Variants in PTCHD4 observed in about 807,000 individuals in gnomAD.
PTCHD4 encodes patched domain-containing protein 4.
In PTCHD4, 33 loss-of-function variants were observed where a neutral mutation model predicts 58.1. The observed-to-expected ratio is 0.57, with a 90% CI of 0.43 to 0.76. The LOEUF is 0.76. PTCHD4 is among the 30% of genes least tolerant of loss of function. The probability of loss-of-function intolerance (pLI) is 0.00; values close to 1 mark genes in which losing one functional copy is unlikely to be tolerated. For synonymous variants in PTCHD4, 478 were observed against 409.6 expected (o/e 1.17, Z -2.02); for missense variants, 1,058 against 1,027.1 (o/e 1.03, Z -0.41).
chr6:48,024,776 A>G (rs984751219), intron 3 of PTCHD4, among the ~76,000 whole-genome samples: 2 of 152,166 alleles, frequency 1.3e-5, no homozygotes, highest in African/African-American at 4.8e-5. Context: ...AGATGGAAGT[A>G]AGAACCAAAC....
intron 3 of PTCHD4, among the ~76,000 whole-genome samples, chr6:48,038,481 A>T (rs996194295): frequency 2.0e-5 from 3 of 147,290 alleles, no homozygotes; most frequent in East Asian, 2.0e-4. Context: ...ATCTCTACTT[A>T]AAAAAAAAAA....
intron 4 of PTCHD4, among the ~76,000 whole-genome samples, chr6:47,915,783 C>T (rs7750312): frequency 0.57 from 86,246 of 151,818 alleles, 25,761 homozygotes; most frequent in East Asian, 0.78. Flanking sequence ...ACTGGCACAA[C>T]GAAGCACAAA....
Position 47,857,427 on chromosome 6 carries a change from C to A in PTCHD4, c.*20876G>T, listed in dbSNP as rs80234434. On this transcript the variant is annotated 3_prime_UTR_variant, in exon 5 of 5. Coordinates refer to ENST00000339488, the MANE Select transcript of PTCHD4 (RefSeq NM_001384253.1). ...TTAAAACTTCTGCACTGCAGCAAGA[C>A]GGTATCACACTGACTTCCTGATCAT... 0.011 allele frequency among the ~76,000 whole-genome samples: 1,645 copies of A among 152,130 alleles called. 34 individuals carry two copies. Among genetic ancestry groups the A allele is most frequent in the African/African-American group, 0.038 (1,559 of 41,532 alleles).
chr6:47,894,598 T>C (rs1764477062), intron 4 of PTCHD4, among the ~76,000 whole-genome samples: 1 of 152,276 alleles, frequency 6.6e-6, no homozygotes, highest in Admixed American at 6.5e-5. Context: ...TCAATAAATG[T>C]TAGCCATCAT....
chr6:48,008,998 G>A lies in PTCHD4; in HGVS notation c.534C>T (p.Thr178=). The A allele has an allele frequency of 1.2e-6, 2 of 1,613,944 alleles. No homozygotes were observed. ...RAIQITYYLQ[T]YGSATQDLIG... is the part of the protein sequence containing the mutation. The stretch of plus-strand genomic sequence containing the variant: ...TGAGGTCTTGGGTGGCAGAGCCATA[G>A]GTCTGGAGGTAGTAGGTGATTTGAA... Residue 178 remains threonine (T), a synonymous_variant, in exon 4 of 5, where the codon ACC becomes ACT. Coordinates refer to ENST00000339488, the MANE Select transcript of PTCHD4 (RefSeq NM_001384253.1).
rs148962221 is a variant in PTCHD4 at position 48,019,629 on chromosome 6, G to A, written c.418-10515C>T. Among the ~76,000 whole-genome samples, 1,469 of 152,028 alleles carry A rather than the reference G, an allele frequency of 9.7e-3. 34 individuals carry two copies. The highest frequency in any genetic ancestry group is 0.034 in the African/African-American group (1,412 of 41,442). Reference sequence around the variant, plus strand: ...GGGGCTCCTGTAATTCCAGCTACTCGGGAGGCTGAGGCAGGAGAATGGCGT... The same window carrying A: ...GGGGCTCCTGTAATTCCAGCTACTCAGGAGGCTGAGGCAGGAGAATGGCGT... On this transcript the variant is annotated intron_variant, in intron 3 of 4. Coordinates refer to ENST00000339488, the MANE Select transcript of PTCHD4 (RefSeq NM_001384253.1).
chr6:47,927,854 C>A lies in PTCHD4; in HGVS notation c.899-47918G>T, dbSNP rs557383044. Among the ~76,000 whole-genome samples, 159 of 151,746 alleles carry A rather than the reference C, an allele frequency of 1.0e-3. 1 individual carries two copies. The highest frequency in any genetic ancestry group is 1.5e-3 in the Non-Finnish European group (102 of 67,954). ...CCCAGGCTGGTCTTGAACTTGTGGGCTCAAGCGATCCATCTGCCTCGGCCT... is the reference window on the plus strand; with the variant it reads ...CCCAGGCTGGTCTTGAACTTGTGGGATCAAGCGATCCATCTGCCTCGGCCT... On this transcript the variant is annotated intron_variant, in intron 4 of 4. Coordinates refer to ENST00000339488, the MANE Select transcript of PTCHD4 (RefSeq NM_001384253.1).
rs887104642 is a variant in PTCHD4 at position 47,875,908 on chromosome 6, T to G, written c.*2395A>C. Among the ~76,000 whole-genome samples, 2 of 151,726 alleles carry G rather than the reference T, an allele frequency of 1.3e-5. No homozygotes were observed. The highest frequency in any genetic ancestry group is 6.6e-5 in the Admixed American group (1 of 15,180). ...GCCAATCTTTTAAAAAATAGGTGAA[T>G]GAGTGGAGCATGGCACACAATGGGA... On this transcript the variant is annotated 3_prime_UTR_variant, in exon 5 of 5. Transcript: ENST00000339488.
At position 47,874,409 on chromosome 6, in the gene PTCHD4, C is replaced by T. The variant is rs994222135; in HGVS notation, c.*3894G>A. Among the ~76,000 whole-genome samples the T allele has an allele frequency of 6.6e-5, 10 of 151,686 alleles. No individual in the cohort carries two copies. The highest frequency in any genetic ancestry group is 2.4e-4 in the African/African-American group (10 of 41,366). The stretch of plus-strand genomic sequence containing the variant: ...TATGTACTATTAATAACAAAGCATG[C>T]ATAGTGCCGTGCATTCATAACTATT... On this transcript the variant is annotated 3_prime_UTR_variant, in exon 5 of 5. Transcript: ENST00000339488.
intron 4 of PTCHD4, among the ~76,000 whole-genome samples, chr6:47,908,639 C>G (rs1306415702): frequency 6.6e-6 from 1 of 152,182 alleles, no homozygotes; most frequent in Non-Finnish European, 1.5e-5. Context: ...AAGTCACCAC[C>G]TCTCAGTAAC....
intron 3 of PTCHD4, among the ~76,000 whole-genome samples, chr6:48,039,766 G>C (rs1763777501): frequency 6.6e-6 from 1 of 152,012 alleles, no homozygotes; most frequent in African/African-American, 2.4e-5. Flanking sequence ...TTTTTTCAGA[G>C]GAATATTGAA....
intron 3 of PTCHD4, among the ~76,000 whole-genome samples, chr6:48,033,833 T>C (rs2753202): frequency 0.81 from 122,424 of 151,962 alleles, 49,327 homozygotes; most frequent in Middle Eastern, 0.85. Flanking sequence ...GTGTTGGTCT[T>C]TTACTTGGGC....
At chr6:47,915,323 T>C (rs1202601782) in intron 4 of PTCHD4, among the ~76,000 whole-genome samples, 2 of 152,180 alleles carry the variant, frequency 1.3e-5, no homozygotes, top group Admixed American at 1.3e-4. Context: ...TAGGTTTATA[T>C]TGTAATATTA....
At chr6:47,886,109 C>T (rs974971375) in intron 4 of PTCHD4, among the ~76,000 whole-genome samples, 2 of 136,430 alleles carry the variant, frequency 1.5e-5, no homozygotes, top group African/African-American at 2.7e-5. Context: ...CGAGCCACGG[C>T]GATGGCAAGA....
intron 4 of PTCHD4, among the ~76,000 whole-genome samples, chr6:47,903,298 A>C (rs72867944): frequency 0.11 from 15,211 of 141,448 alleles, 1,274 homozygotes; most frequent in African/African-American, 0.24. Context: ...TTAATTAATT[A>C]ATTCATTCAT....
chr6:47,881,250 T>C lies in PTCHD4; in HGVS notation c.899-1314A>G, dbSNP rs561982791. On this transcript the variant is annotated intron_variant, in intron 4 of 4. Coordinates refer to ENST00000339488, the MANE Select transcript of PTCHD4 (RefSeq NM_001384253.1). ...AAAGATGTGATAGCTGGGGTCTTAC[T>C]GCAATTGCTCTGAAATTGCATTGCC... Among the ~76,000 whole-genome samples, 10 of 152,340 alleles carry C rather than the reference T, an allele frequency of 6.6e-5. No individual in the cohort carries two copies. In the South Asian group the frequency reaches 1.0e-3, roughly 16 times the overall value.
At chr6:48,096,126 T>A (rs1394817232) in intron 1 of PTCHD4, among the ~76,000 whole-genome samples, 2 of 152,176 alleles carry the variant, frequency 1.3e-5, no homozygotes, top group Admixed American at 6.5e-5. Context: ...AATAATTTTA[T>A]GAGAAGAATA....
chr6:48,031,190 A>G (rs1216375956), intron 3 of PTCHD4, among the ~76,000 whole-genome samples: 2 of 151,992 alleles, frequency 1.3e-5, no homozygotes, highest in Non-Finnish European at 2.9e-5. Context: ...TTCTAATCAC[A>G]TCTGGTTTCT....
intron 3 of PTCHD4, among the ~76,000 whole-genome samples, chr6:48,031,072 C>A (rs1178354129): frequency 2.6e-5 from 4 of 152,096 alleles, no homozygotes; most frequent in Non-Finnish European, 4.4e-5. Flanking sequence ...TTAAGTCAGG[C>A]TCCTGAACCT....
Sources: allele counts gnomAD v4.1 joint callset (sites outside exome capture counted in the v4.1 genomes callset), GRCh38; gene constraint gnomAD v4.1.1; transcripts MANE v1.5; gene names NCBI Gene and HGNC (gene_info 2026-07-23, HGNC 2026-07-21).